TRIM4: variants seen among roughly 807,000 people sequenced by gnomAD.
TRIM4 encodes E3 ubiquitin-protein ligase TRIM4.
A neutral mutation model predicts 33.7 loss-of-function variants in TRIM4; 29 were observed. The ratio of observed to expected loss-of-function variants is 0.86; its 90% CI spans 0.64 to 1.17. The LOEUF is 1.17. TRIM4 is among the 50% of genes most tolerant of loss of function. The probability of loss-of-function intolerance (pLI) is 0.00; values close to 1 mark genes in which losing one functional copy is unlikely to be tolerated. For synonymous variants in TRIM4, 224 were observed against 233.0 expected, an observed-to-expected ratio of 0.96 and a Z score of 0.35; for missense variants, 554 against 593.7, an observed-to-expected ratio of 0.93 and a Z score of 0.69.
At chr7:99,895,849 T>C (rs12536945) in intron 5 of TRIM4, among the ~76,000 whole-genome samples, 1,525 of 152,290 alleles carry the variant, frequency 0.01, 21 homozygotes, top group African/African-American at 0.03. Flanking sequence ...ATATACCCAC[T>C]CCAGATCTAT....
chr7:99,901,928 A>G, intron 5 of TRIM4: 2 of 598,964 alleles, frequency 3.3e-6, no homozygotes, highest in East Asian at 2.8e-5. Context: ...AACTCTCACT[A>G]CTTTGTTCTC....
At chr7:99,905,687 A>G (rs540162146) in intron 3 of TRIM4, among the ~76,000 whole-genome samples, 152 of 152,282 alleles carry the variant, frequency 1.0e-3, no homozygotes, top group African/African-American at 3.5e-3. Context: ...TCTCTATATA[A>G]TATCAGATTT....
At chr7:99,904,526 C>T (rs991405094) in intron 3 of TRIM4, among the ~76,000 whole-genome samples, 8 of 152,130 alleles carry the variant, frequency 5.3e-5, no homozygotes, top group Admixed American at 3.9e-4. Flanking sequence ...AAACTACAAA[C>T]TCTAGTTAGT....
chr7:99,906,360 C>T (rs1819305429), intron 3 of TRIM4, among the ~76,000 whole-genome samples: 1 of 146,372 alleles, frequency 6.8e-6, no homozygotes, highest in Admixed American at 6.9e-5. Flanking sequence ...GAGTGTCATA[C>T]TTTTTTTTTT....
At chr7:99,916,758 C>T (rs191380095) in intron 1 of TRIM4, 28 of 781,054 alleles carry the variant, frequency 3.6e-5, no homozygotes, top group Middle Eastern at 2.3e-4. Context: ...CATTCATCCA[C>T]GTGGATGTCA....
intron 3 of TRIM4, among the ~76,000 whole-genome samples, chr7:99,904,975 A>C (rs1819264126): frequency 1.3e-5 from 2 of 152,028 alleles, no homozygotes; most frequent in Admixed American, 6.6e-5. Flanking sequence ...AAGTTGCAGT[A>C]AGCCAAGATG....
chr7:99,900,534 T>C (rs1325602371), intron 5 of TRIM4, among the ~76,000 whole-genome samples: 1 of 152,178 alleles, frequency 6.6e-6, no homozygotes, highest in African/African-American at 2.4e-5. Context: ...GTCATTACCA[T>C]TTCTGGTGCT....
chr7:99,908,843 T>C (rs1819370334), intron 2 of TRIM4, 31 bp from the exon 3 acceptor site: 2 of 1,589,530 alleles, frequency 1.3e-6, no homozygotes, highest in African/African-American at 1.4e-5. Context: ...CTCACTCCTT[T>C]TTCTGCCTGA....
chr7:99,893,967 C>CTTT (rs74857142), intron 5 of TRIM4, among the ~76,000 whole-genome samples: 42 of 137,172 alleles, frequency 3.1e-4, no homozygotes, highest in East Asian at 2.7e-3. Flanking sequence ...CATGGTTTTC[C>CTTT]TTTTTTTTTT....
chr7:99,914,896 G>A (rs1305274329), intron 1 of TRIM4, among the ~76,000 whole-genome samples: 4 of 150,294 alleles, frequency 2.7e-5, no homozygotes, highest in Non-Finnish European at 5.9e-5. Context: ...TGCAACCTCC[G>A]CCTCCCGGAT....
At chr7:99,904,522 C>T (rs1250618188) in intron 3 of TRIM4, among the ~76,000 whole-genome samples, 1 of 152,104 alleles carries the variant, frequency 6.6e-6, no homozygotes, top group African/African-American at 2.4e-5. Context: ...AAATAAACTA[C>T]AAACTCTAGT....
At position 99,909,462 on chromosome 7, in the gene TRIM4, G is replaced by A. The variant is rs575082225; in HGVS notation, c.489+103C>T. Reference sequence around the variant, plus strand: ...GGTTCTGAGGCATCCAAGACTCTACGTGAACTGCAAAACCCCATGACCAAA... The same window carrying A: ...GGTTCTGAGGCATCCAAGACTCTACATGAACTGCAAAACCCCATGACCAAA... On this transcript the variant is annotated intron_variant, in intron 2 of 5. Coordinates refer to ENST00000349062, the MANE Select transcript of TRIM4 (RefSeq NM_033091.3). The A allele has an allele frequency of 6.1e-5, 55 of 907,680 alleles. No individual in the cohort carries two copies. In the African/African-American group the frequency reaches 8.5e-4, roughly 14 times the overall value. 56.2% of individuals were successfully genotyped at this position (907,680 alleles called of 1,614,324 possible). A position where few individuals can be genotyped will look rare whatever the true frequency, so the allele number is the denominator to read the frequency against.
At chr7:99,900,245 G>A (rs1418357410) in intron 5 of TRIM4, among the ~76,000 whole-genome samples, 1 of 152,178 alleles carries the variant, frequency 6.6e-6, no homozygotes, top group Non-Finnish European at 1.5e-5. Context: ...TGAAGGCCAA[G>A]GTAGTATGCT....
chr7:99,902,173 T>G (rs541181603), intron 5 of TRIM4: 1 of 764,970 alleles, frequency 1.3e-6, no homozygotes, highest in East Asian at 2.4e-5. Context: ...TTATTTTAGT[T>G]GCTGCAGACA....
chr7:99,903,501 G>A, intron 4 of TRIM4, 75 bp downstream of exon 4: 1 of 1,583,168 alleles, frequency 6.3e-7, no homozygotes, highest in Non-Finnish European at 8.7e-7. Flanking sequence ...TGGATCCTAG[G>A]CCTTGTTTCC....
chr7:99,903,223 A>C lies in TRIM4; in HGVS notation c.836T>G (p.Phe279Cys). The change falls in exon 5 of 6, where the codon TTC becomes TGC. Residue 279 changes from phenylalanine to cysteine, a missense_variant. By Grantham distance (205) the Phe-to-Cys change is radical. This residue lies in a region of TRIM4 where 290 missense variants were observed against 335.8 expected (regional missense o/e 0.86). Transcript: ENST00000349062. ...IPLMKEMLKRFQVAVNLAEDT... is the reference protein window; with the variant it reads ...IPLMKEMLKRCQVAVNLAEDT... ...GTCCTAGAAATTCTGCTCACCTTGG[A>C]ATCGCTTTAGCATTTCCTTCATCAA... 6.2e-7 allele frequency: 1 copy of C among 1,610,242 alleles called. No individual in the cohort carries two copies. Among genetic ancestry groups the C allele is most frequent in the African/African-American group, 1.3e-5 (1 of 74,838 alleles).
At position 99,903,267 on chromosome 7, in the gene TRIM4, C is replaced by A; in HGVS notation, c.792G>T (p.Lys264Asn). Residue 264 changes from lysine to asparagine, a missense_variant, in exon 5 of 6, where the codon AAG becomes AAT. This residue lies in a region of TRIM4 where 290 missense variants were observed against 335.8 expected (regional missense o/e 0.86). Transcript: ENST00000349062. The stretch of plus-strand genomic sequence containing the variant: ...TCATCAATGGTATCTGGCACACTGT[C>A]TTCACCTTTACAGCTTCAAGAGAAT... ...VNYSLEAVKVKTVCQIPLMKE... is the reference protein window; with the variant it reads ...VNYSLEAVKVNTVCQIPLMKE... 1 of 1,613,482 alleles carries A rather than the reference C, an allele frequency of 6.2e-7. No individual in the cohort carries two copies. Among genetic ancestry groups the A allele is most frequent in the African/African-American group, 1.3e-5 (1 of 75,006 alleles).
At chr7:99,911,409 G>A (rs2151650712) in intron 1 of TRIM4, among the ~76,000 whole-genome samples, 1 of 152,128 alleles carries the variant, frequency 6.6e-6, no homozygotes, top group Non-Finnish European at 1.5e-5. Flanking sequence ...CTGGAGGGTG[G>A]CCTGGGCAAC....
At chr7:99,895,305 CT>C (rs1289909584) in intron 5 of TRIM4, among the ~76,000 whole-genome samples, 1 of 152,012 alleles carries the variant, frequency 6.6e-6, no homozygotes, top group African/African-American at 2.4e-5. Flanking sequence ...TTGATTTCTT[CT>C]TTAATTCAAG....
Sources: allele counts gnomAD v4.1 joint callset (sites outside exome capture counted in the v4.1 genomes callset), GRCh38; gene constraint gnomAD v4.1.1; regional missense constraint gnomAD v4.1.1; transcripts MANE v1.5; gene names NCBI Gene and HGNC (gene_info 2026-07-23, HGNC 2026-07-21).